The following FMNL1 variants were observed in gnomAD, a reference collection of about 807,000 sequenced individuals.
FMNL1 encodes formin like 1.
FMNL1 carries 43 observed loss-of-function variants against 121.3 expected under a neutral mutation model. That is an observed-to-expected ratio of 0.35 (90% CI 0.28 to 0.46). The LOEUF is 0.46. Among genes scored for constraint, FMNL1 ranks in the 20% least tolerant of loss-of-function variants. The pLI is 1.00. For synonymous variants in FMNL1, 613 were observed against 613.5 expected, an observed-to-expected ratio of 1.00 and a Z score of 0.01; for missense variants, 1,191 against 1,482.4, an observed-to-expected ratio of 0.80 and a Z score of 3.23.
rs1323073442 is a variant in FMNL1 at position 45,237,644 on chromosome 17, C to T, written c.894+5C>T. 47 of 1,613,680 alleles carry T rather than the reference C, an allele frequency of 2.9e-5. No homozygotes were observed. The highest frequency in any genetic ancestry group is 1.6e-4 in the Middle Eastern group (1 of 6,084). On this transcript the variant is annotated splice_donor_5th_base_variant and intron_variant, in intron 9 of 26. Transcript: ENST00000331495. The surrounding 1 kb of genome is among the most constrained non-coding windows in gnomAD (Gnocchi z 4.4). Reference sequence around the variant, plus strand: ...GCCTTTGACAACTTCAAGGAGGTACCGGAGTCCCTCACCCAAACATGCATT... The same window carrying T: ...GCCTTTGACAACTTCAAGGAGGTACTGGAGTCCCTCACCCAAACATGCATT...
At position 45,246,500 on chromosome 17, in the gene FMNL1, CTCAGTGATCAAGACG is replaced by C; in HGVS notation, c.3212-4_3222del. On this transcript the variant is annotated splice_acceptor_variant and splice_polypyrimidine_tract_variant and coding_sequence_variant and intron_variant, in exon 26 of 27. Coordinates refer to ENST00000331495, the MANE Select transcript of FMNL1 (RefSeq NM_005892.4). LOFTEE classifies it high-confidence loss of function. ...CTCCCCTTCACCTGCCCCACCCCCA[CTCAGTGATCAAGACG>C]GTGCCCTTCACGGCCCGCACCGGCA... 6.2e-7 allele frequency: 1 copy of C among 1,614,208 alleles called. No individual in the cohort carries two copies. Among genetic ancestry groups the C allele is most frequent in the Non-Finnish European group, 8.5e-7 (1 of 1,180,012 alleles).
At chr17:45,228,340 C>T (rs181104846) in intron 1 of FMNL1, among the ~76,000 whole-genome samples, 44 of 152,282 alleles carry the variant, frequency 2.9e-4, no homozygotes, top group Admixed American at 1.5e-3. Context: ...GGCATGGGCA[C>T]CCTGCCCTCC....
rs2043500476 is a variant in FMNL1 at position 45,234,161 on chromosome 17, C to T, written c.575C>T (p.Pro192Leu). 1 of 1,614,016 alleles carries T rather than the reference C, an allele frequency of 6.2e-7. No homozygotes were observed. Among genetic ancestry groups the T allele is most frequent in the South Asian group, 1.1e-5 (1 of 91,088 alleles). ...TCTGTGGAAGACCTCAGCAAGGGTC[C>T]ACCCTCCTCCGTGCCCAAAAGCCGC... is the stretch of plus-strand genomic sequence containing the variant. Reference protein sequence around the residue: ...EQSVEDLSKGPPSSVPKSRHL... With the variant: ...EQSVEDLSKGLPSSVPKSRHL... Residue 192 changes from proline (P) to leucine (L), a missense_variant, in exon 6 of 27, where the codon CCA (proline) becomes CTA (leucine). Pro to Leu is a moderately conservative substitution (Grantham distance 98). This residue lies in a region of FMNL1 where 253 missense variants were observed against 417.5 expected (regional missense o/e 0.61). Coordinates refer to ENST00000331495, the MANE Select transcript of FMNL1 (RefSeq NM_005892.4).
At position 45,242,100 on chromosome 17, in the gene FMNL1, A is replaced by C. The variant is rs530661621; in HGVS notation, c.1839A>C (p.Gly613=). 2.7e-6 allele frequency: 4 copies of C among 1,494,798 alleles called. No individual in the cohort carries two copies. The Admixed American group carries it at 8.3e-5, about 31-fold the overall frequency. 92.6% of individuals were successfully genotyped at this position (1,494,798 alleles called of 1,614,324 possible). Reference sequence around the variant, plus strand: ...CGCCGCCGCCGCCGCCGCCTCCCGGAGGTCCTCCTGATGCCCTAGGAAGAC... The same window carrying C: ...CGCCGCCGCCGCCGCCGCCTCCCGGCGGTCCTCCTGATGCCCTAGGAAGAC... The part of the protein sequence containing the change: ...PPPPPPPPPP[G]GPPDALGRRD... Residue 613 remains glycine, a synonymous_variant, in exon 15 of 27, where the codon GGA becomes GGC. Transcript: ENST00000331495.
rs2043791485 is a variant in FMNL1 at position 45,244,809 on chromosome 17, C to T, written c.2518-10C>T. The T allele has an allele frequency of 6.2e-7, 1 of 1,607,322 alleles. No homozygotes were observed. The highest frequency in any genetic ancestry group is 1.3e-5 in the African/African-American group (1 of 74,776). ...GGCATTCTGCTGAGCCTTTCTCCTGCCTCTCCCAGATTGTCCTGGCCTTTG... is the reference window on the plus strand; with the variant it reads ...GGCATTCTGCTGAGCCTTTCTCCTGTCTCTCCCAGATTGTCCTGGCCTTTG... On this transcript the variant is annotated splice_polypyrimidine_tract_variant and intron_variant, in intron 19 of 26. Transcript: ENST00000331495.
intron 1 of FMNL1, among the ~76,000 whole-genome samples, chr17:45,224,852 G>A (rs1054160879): frequency 5.3e-5 from 8 of 152,218 alleles, no homozygotes; most frequent in Admixed American, 5.2e-4. Context: ...CCAGCCCCAC[G>A]GGCCTGCTGT....
chr17:45,233,208 T>A lies in FMNL1; in HGVS notation c.328-16T>A. 1 of 1,552,954 alleles carries A rather than the reference T, an allele frequency of 6.4e-7. No homozygotes were observed. The highest frequency in any genetic ancestry group is 8.7e-7 in the Non-Finnish European group (1 of 1,147,834). ...CCGGGCTCCACCCACCAGCCTTCCCTGTTCTCGGTCCCCAGTTTAAGAGGC... is the reference window on the plus strand; with the variant it reads ...CCGGGCTCCACCCACCAGCCTTCCCAGTTCTCGGTCCCCAGTTTAAGAGGC... On this transcript the variant is annotated splice_polypyrimidine_tract_variant and intron_variant, in intron 3 of 26. Transcript: ENST00000331495. The surrounding 1 kb of genome is among the most constrained non-coding windows in gnomAD (Gnocchi z 4.1).
In FMNL1 at chr17:45,246,539, C is replaced by T; in HGVS notation, c.3246C>T (p.Gly1082=). 1.2e-6 allele frequency: 2 copies of T among 1,613,906 alleles called. No individual in the cohort carries two copies. The highest frequency in any genetic ancestry group is 8.5e-7 in the Non-Finnish European group (1 of 1,179,778). The change falls in exon 26 of 27, where the codon GGC becomes GGT. Residue 1082 remains glycine, a synonymous_variant. Coordinates refer to ENST00000331495, the MANE Select transcript of FMNL1 (RefSeq NM_005892.4). The part of the protein sequence containing the change: ...IKTVPFTART[G]KRTSRLLCEA... ...CGGTGCCCTTCACGGCCCGCACCGG[C>T]AAGCGGACATCCCGGCTCCTCTGTG... is the stretch of plus-strand genomic sequence containing the variant.
rs2043766571 is a variant in FMNL1, at chr17:45,243,890, G to A, written c.2313G>A (p.Glu771=). 6.2e-7 allele frequency: 1 copy of A among 1,613,796 alleles called. No homozygotes were observed. Among genetic ancestry groups the A allele is most frequent in the East Asian group, 2.2e-5 (1 of 44,894 alleles). The change falls in exon 18 of 27, where the codon GAG becomes GAA. Residue 771 remains glutamate (E), a synonymous_variant. Coordinates refer to ENST00000331495, the MANE Select transcript of FMNL1 (RefSeq NM_005892.4). ...GCCTCATCACCCGCTTTGAGCGGGAGCAGCGGCCAATGGAGGAGCTGTCAG... is the reference window on the plus strand; with the variant it reads ...GCCTCATCACCCGCTTTGAGCGGGAACAGCGGCCAATGGAGGAGCTGTCAG... ...ERSLITRFER[E]QRPMEELSEE...
In FMNL1 at chr17:45,243,795, G is replaced by A. The variant is rs753325510; in HGVS notation, c.2218G>A (p.Asp740Asn). The A allele has an allele frequency of 5.0e-6, 8 of 1,609,272 alleles. No individual in the cohort carries two copies. The highest frequency in any genetic ancestry group is 3.3e-5 in the South Asian group (3 of 90,928). Residue 740 changes from aspartate to asparagine, a missense_variant, in exon 18 of 27, where the codon GAC (aspartate) becomes AAC (asparagine). By Grantham distance (23) the Asp-to-Asn change is conservative (BLOSUM62 1). Around this residue, in one of 4 missense-constraint regions of FMNL1, gnomAD observed 367 missense variants for 528.6 expected, o/e 0.69. Coordinates refer to ENST00000331495, the MANE Select transcript of FMNL1 (RefSeq NM_005892.4). ...ERICQAIEAY[D>N]LQALGLDFLE... ...CCCCTCTCCTCCCTCTCACAGGTAC[G>A]ACCTGCAGGCTCTGGGCCTGGACTT...
chr17:45,244,109 TG>T, intron 18 of FMNL1, 66 bp from the exon 19 acceptor site: 1 of 1,607,754 alleles, frequency 6.2e-7, no homozygotes, highest in Non-Finnish European at 8.5e-7. Flanking sequence ...GCAGGGAACC[TG>T]GGAGTACTTG....
In FMNL1 at chr17:45,235,140, A is replaced by AT. The variant is rs545520275; in HGVS notation, c.614+947dup. 7.2e-3 allele frequency among the ~76,000 whole-genome samples: 1,098 copies of AT among 152,316 alleles called. 15 individuals carry two copies. Among genetic ancestry groups the AT allele is most frequent in the Middle Eastern group, 0.058 (17 of 294 alleles). On this transcript the variant is annotated intron_variant, in intron 6 of 26. Coordinates refer to ENST00000331495, the MANE Select transcript of FMNL1 (RefSeq NM_005892.4). ...TCATGCAATTATGCATTCAGCAAACATTTTTTTAACACTTAGTATGTATTA... is the reference window on the plus strand; with the variant it reads ...TCATGCAATTATGCATTCAGCAAACATTTTTTTTAACACTTAGTATGTATTA...
At chr17:45,243,556 G>C (rs2043757638) in intron 17 of FMNL1, among the ~76,000 whole-genome samples, 1 of 152,236 alleles carries the variant, frequency 6.6e-6, no homozygotes, top group Admixed American at 6.5e-5. Flanking sequence ...CAGGCTGTGG[G>C]ATTTACAGCC....
In FMNL1 at chr17:45,237,133, A is replaced by C; in HGVS notation, c.724-148A>C. On this transcript the variant is annotated intron_variant, in intron 7 of 26. Transcript: ENST00000331495. The surrounding 1 kb of genome is among the most constrained non-coding windows in gnomAD (Gnocchi z 4.4). ...ACTCCATCTTGAAAAAAAAAATAGA[A>C]ACAAGGCCAGGTTTTGGTGGCCACA... is the stretch of plus-strand genomic sequence containing the variant. 2 of 671,196 alleles carry C rather than the reference A, an allele frequency of 3.0e-6. No homozygotes were observed. The highest frequency in any genetic ancestry group is 5.0e-6 in the Non-Finnish European group (2 of 399,320). 41.6% of individuals were successfully genotyped at this position (671,196 alleles called of 1,614,324 possible).
rs1243813738 is a variant in FMNL1 at position 45,237,086 on chromosome 17, C to T, written c.724-195C>T. Among the ~76,000 whole-genome samples, 4 of 152,174 alleles carry T rather than the reference C, an allele frequency of 2.6e-5. No individual in the cohort carries two copies. The highest frequency in any genetic ancestry group is 5.9e-5 in the Non-Finnish European group (4 of 68,036). ...TGAGCTGAGATGGCGCCACTGCGCTCCAGCCTGGGTGACAGAGGGAAACTC... is the reference window on the plus strand; with the variant it reads ...TGAGCTGAGATGGCGCCACTGCGCTTCAGCCTGGGTGACAGAGGGAAACTC... On this transcript the variant is annotated intron_variant, in intron 7 of 26. Transcript: ENST00000331495. This position sits in a 1 kb window ranked among gnomAD's most constrained non-coding sequence, Gnocchi z 4.4.
Position 45,242,446 on chromosome 17 carries a change from A to G in FMNL1, c.1991A>G (p.Asn664Ser), listed in dbSNP as rs773120228. 5 of 1,613,848 alleles carry G rather than the reference A, an allele frequency of 3.1e-6. No individual in the cohort carries two copies. The highest frequency in any genetic ancestry group is 3.4e-6 in the Non-Finnish European group (4 of 1,179,856). ...QITGTVFTEL[N>S]DEKVLQELDM... ...ACCGGCACTGTCTTCACAGAGCTCA[A>G]TGATGAGAAGGTGCTGCAGGTGAGT... Residue 664 changes from asparagine to serine, a missense_variant, in exon 16 of 27, where the codon AAT becomes AGT. By Grantham distance (46) the Asn-to-Ser change is conservative. Transcript: ENST00000331495.
Position 45,245,128 on chromosome 17 carries a change from T to C in FMNL1, c.2728+20T>C, listed in dbSNP as rs941504524. 5 of 1,612,966 alleles carry C rather than the reference T, an allele frequency of 3.1e-6. No individual in the cohort carries two copies. The highest frequency in any genetic ancestry group is 1.1e-5 in the South Asian group (1 of 91,054). The stretch of plus-strand genomic sequence containing the variant: ...GCTCAGGTAGGAGACACACAGATCC[T>C]TGGGTGTGGGGAGGGGCCGTGGGCT... On this transcript the variant is annotated intron_variant, in intron 21 of 26. Transcript: ENST00000331495.
intron 19 of FMNL1, 139 bp downstream of exon 19, chr17:45,244,383 G>C: frequency 8.9e-7 from 1 of 1,128,886 alleles, no homozygotes; most frequent in Non-Finnish European, 1.3e-6. Context: ...AAATCTAAGG[G>C]TGGTGGCGAG....
intron 1 of FMNL1, among the ~76,000 whole-genome samples, chr17:45,225,027 C>T (rs991284299): frequency 2.6e-5 from 4 of 152,256 alleles, no homozygotes; most frequent in Admixed American, 6.5e-5. Flanking sequence ...AAGAGCCACA[C>T]TTACACCTGG....
Sources: gnomAD v4.1 joint callset for allele counts (sites outside exome capture counted in the v4.1 genomes callset) on GRCh38, gnomAD v4.1.1 for gene constraint, gnomAD v4.1.1 regional missense constraint, Gnocchi (gnomAD v3.1) non-coding constraint, MANE v1.5 for transcripts, NCBI Gene and HGNC (gene_info 2026-07-23, HGNC 2026-07-21) for gene names.